The following PCIF1 variants were observed in gnomAD, a reference collection of about 807,000 sequenced individuals.
PCIF1 encodes mRNA (2'-O-methyladenosine-N(6)-)-methyltransferase.
A neutral mutation model predicts 86.9 loss-of-function variants in PCIF1; 12 were observed. The ratio of observed to expected loss-of-function variants is 0.14; its 90% CI spans 0.09 to 0.22. The LOEUF (loss-of-function observed/expected upper bound fraction) is 0.22. PCIF1 is among the 10% of genes least tolerant of loss of function. The pLI is 1.00. For synonymous variants in PCIF1, 397 were observed against 372.0 expected (o/e 1.07, Z -0.77); for missense variants, 701 against 951.1 (o/e 0.74, Z 3.46).
intron 1 of PCIF1, 28 bp downstream of exon 1, chr20:45,934,832 G>C: frequency 2.5e-6 from 1 of 398,168 alleles, no homozygotes. Context: ...CCATGGTCCC[G>C]CAGCGAGCCG....
rs773863031 is a variant in PCIF1 at position 45,944,880 on chromosome 20, C to T, written c.1018C>T (p.His340Tyr). 6.2e-7 allele frequency: 1 copy of T among 1,613,504 alleles called. No homozygotes were observed. The change falls in exon 11 of 17, where the codon CAT becomes TAT. Residue 340 changes from histidine (H) to tyrosine (Y), a missense_variant. His to Tyr is a moderately conservative substitution (Grantham distance 83). Around this residue, in one of 7 missense-constraint regions of PCIF1, gnomAD observed 129 missense variants for 245.9 expected, o/e 0.52. Transcript: ENST00000372409. ...SKEDYMDRLE[H>Y]LRRQCGPHVS... ...ATGTGTCCTCTAGGATCGCCTGGAG[C>T]ATCTGCGGAGGCAGTGTGGCCCCCA...
At chr20:45,939,363 G>A (rs762930936) in intron 4 of PCIF1, 24 bp downstream of exon 4, 2 of 1,611,940 alleles carry the variant, frequency 1.2e-6, no homozygotes, top group Non-Finnish European at 1.7e-6. Context: ...TAGGGTGGGG[G>A]GGTCTCAGAG....
At position 45,940,838 on chromosome 20, in the gene PCIF1, G is replaced by A. The variant is rs917498104; in HGVS notation, c.417G>A (p.Gln139=). 1 of 1,614,092 alleles carries A rather than the reference G, an allele frequency of 6.2e-7. No individual in the cohort carries two copies. The highest frequency in any genetic ancestry group is 8.5e-7 in the Non-Finnish European group (1 of 1,179,984). Residue 139 remains glutamine (Q), a synonymous_variant, in exon 6 of 17, where the codon CAG becomes CAA. Transcript: ENST00000372409. ...KIEIPVTPTG[Q]SVPSSPSIPG... ...AAATCCCAGTGACACCCACAGGCCA[G>A]TCGGTGCCCAGCTCCCCCAGTATCC...
At chr20:45,936,660 G>C (rs2145859301) in intron 1 of PCIF1, among the ~76,000 whole-genome samples, 1 of 151,968 alleles carries the variant, frequency 6.6e-6, no homozygotes, top group South Asian at 2.1e-4. Context: ...GCCCGGCGCA[G>C]TGGCTCACAC....
intron 2 of PCIF1, chr20:45,937,813 C>T (rs534269982): frequency 5.3e-6 from 2 of 378,120 alleles, no homozygotes; most frequent in Non-Finnish European, 9.4e-6. Flanking sequence ...TTGACTTTTC[C>T]CTTCCTAAAT....
At chr20:45,945,135 C>A in intron 11 of PCIF1, 105 bp downstream of exon 11, 1 of 1,315,214 alleles carries the variant, frequency 7.6e-7, no homozygotes, top group African/African-American at 1.5e-5. Context: ...TGGTTTGGGG[C>A]AGAACCTGCC....
At position 45,941,041 on chromosome 20, in the gene PCIF1, C is replaced by G. The variant is rs760750015; in HGVS notation, c.519-12C>G. 2 of 1,614,204 alleles carry G rather than the reference C, an allele frequency of 1.2e-6. No homozygotes were observed. Among genetic ancestry groups the G allele is most frequent in the Admixed American group, 3.3e-5 (2 of 60,026 alleles). ...GGCAGGACATCCTCATCACTCCTCT[C>G]TGTGCCCCAAGGGTCTACTGGGACC... On this transcript the variant is annotated splice_polypyrimidine_tract_variant and intron_variant, in intron 6 of 16. Transcript: ENST00000372409.
intron 2 of PCIF1, among the ~76,000 whole-genome samples, 180 bp from the exon 3 acceptor site, chr20:45,938,801 C>T (rs1600501419): frequency 6.6e-6 from 1 of 152,238 alleles, no homozygotes; most frequent in East Asian, 1.9e-4. Flanking sequence ...GGAGTGCACC[C>T]ATTGAACAGC....
In PCIF1 at chr20:45,947,324, A is replaced by T; in HGVS notation, c.1769A>T (p.Glu590Val). The change falls in exon 16 of 17, where the codon GAA becomes GTA. Residue 590 changes from glutamate (E) to valine (V), a missense_variant. Glu to Val is a moderately radical substitution (Grantham distance 121, BLOSUM62 -2). Transcript: ENST00000372409. The surrounding 1 kb of genome is among the most constrained non-coding windows in gnomAD (Gnocchi z 5.4). ...SFIVFIPEWR[E>V]PPTPALTRME... Reference sequence around the variant, plus strand: ...ATCGTGTTCATCCCTGAGTGGCGGGAACCCCCAACACCAGCGCTCACCCGC... The same window carrying T: ...ATCGTGTTCATCCCTGAGTGGCGGGTACCCCCAACACCAGCGCTCACCCGC... 6.2e-7 allele frequency: 1 copy of T among 1,613,624 alleles called. No homozygotes were observed. Among genetic ancestry groups the T allele is most frequent in the Admixed American group, 1.7e-5 (1 of 60,006 alleles).
At chr20:45,942,768 T>C (rs971789335) in intron 7 of PCIF1, among the ~76,000 whole-genome samples, 2 of 122,462 alleles carry the variant, frequency 1.6e-5, no homozygotes, top group East Asian at 2.2e-4. Flanking sequence ...GCTAATTTCT[T>C]TTTTTTTTTT....
rs1230871004 is a variant in PCIF1 at position 45,943,888 on chromosome 20, G to A, written c.1005+123G>A. The A allele has an allele frequency of 7.1e-6, 5 of 703,928 alleles. No homozygotes were observed. The highest frequency in any genetic ancestry group is 1.2e-5 in the Non-Finnish European group (5 of 419,626). The allele number at this position is 703,928 out of a possible 1,614,324, so 43.6% of individuals were successfully genotyped here. ...CCAGCGGCCTATTCTTGTGCAGTAT[G>A]GCAGACGTTCGACATTCGTCAGTCC... is the stretch of plus-strand genomic sequence containing the variant. On this transcript the variant is annotated intron_variant, in intron 10 of 16. Coordinates refer to ENST00000372409, the MANE Select transcript of PCIF1 (RefSeq NM_022104.4). The surrounding 1 kb of genome is among the most constrained non-coding windows in gnomAD (Gnocchi z 5.5).
Position 45,943,217 on chromosome 20 carries a change from G to A in PCIF1, c.794G>A (p.Arg265His), listed in dbSNP as rs1373444161. ...CEPVVSPSMF[R>H]EIMNDIPIRL... ...CCAGTCGTGTCACCTTCCATGTTTC[G>A]TGAAATCATGAACGACATTCCTATC... is the stretch of plus-strand genomic sequence containing the variant. Residue 265 changes from arginine to histidine, a missense_variant, in exon 8 of 17, where the codon CGT becomes CAT. Physicochemically the swap from Arg to His is conservative, Grantham distance 29 (BLOSUM62 0). This residue lies in a region of PCIF1 where 129 missense variants were observed against 245.9 expected (regional missense o/e 0.52). Transcript: ENST00000372409. This position sits in a 1 kb window ranked among gnomAD's most constrained non-coding sequence, Gnocchi z 5.5. 1 of 1,614,132 alleles carries A rather than the reference G, an allele frequency of 6.2e-7. No homozygotes were observed. The highest frequency in any genetic ancestry group is 1.7e-5 in the Admixed American group (1 of 60,026).
In PCIF1 at chr20:45,947,872, C is replaced by T; in HGVS notation, c.*117C>T. On this transcript the variant is annotated 3_prime_UTR_variant, in exon 17 of 17. Transcript: ENST00000372409. The surrounding 1 kb of genome is among the most constrained non-coding windows in gnomAD (Gnocchi z 5.4). ...TGACATATGAAGATTATGGTTCTGC[C>T]AGGGCTCCCCTCCCTGCCTGTCCCC... 3 of 1,531,038 alleles carry T rather than the reference C, an allele frequency of 2.0e-6. No individual in the cohort carries two copies. The highest frequency in any genetic ancestry group is 2.4e-5 in the East Asian group (1 of 41,008). 94.8% of individuals were successfully genotyped at this position (1,531,038 alleles called of 1,614,324 possible). A position where few individuals can be genotyped will look rare whatever the true frequency, so the allele number is the denominator to read the frequency against.
intron 7 of PCIF1, among the ~76,000 whole-genome samples, chr20:45,942,845 T>A (rs1031780673): frequency 7.3e-6 from 1 of 137,516 alleles, no homozygotes; most frequent in Non-Finnish European, 1.5e-5. Flanking sequence ...ACTCATGGGC[T>A]CAAGCTGTCC....
chr20:45,938,936 G>T, intron 2 of PCIF1, 45 bp from the exon 3 acceptor site: 1 of 1,600,834 alleles, frequency 6.2e-7, no homozygotes. Flanking sequence ...TGTAATTGGC[G>T]GGTGAGGGGG....
At position 45,947,560 on chromosome 20, in the gene PCIF1, T is replaced by C. The variant is rs778066139; in HGVS notation, c.1920T>C (p.Ala640=). Residue 640 remains alanine (A), a synonymous_variant, in exon 17 of 17, where the codon GCT becomes GCC. Transcript: ENST00000372409. The surrounding 1 kb of genome is among the most constrained non-coding windows in gnomAD (Gnocchi z 5.4). The part of the protein sequence containing the change: ...EMHYKAVHNT[A]VLFLQNDPGF... ...ACTACAAGGCCGTCCACAACACGGCTGTGCTCTTCCTACAGAACGACCCTG... is the reference window on the plus strand; with the variant it reads ...ACTACAAGGCCGTCCACAACACGGCCGTGCTCTTCCTACAGAACGACCCTG... The C allele has an allele frequency of 3.7e-6, 6 of 1,613,750 alleles. No homozygotes were observed. The highest frequency in any genetic ancestry group is 1.7e-4 in the Middle Eastern group (1 of 6,060).
chr20:45,941,983 T>C (rs78448168), intron 7 of PCIF1, among the ~76,000 whole-genome samples: 1 of 150,180 alleles, frequency 6.7e-6, no homozygotes, highest in Non-Finnish European at 1.5e-5. Flanking sequence ...TTTTTAATTT[T>C]TTTTTTTCTT....
At chr20:45,941,027 C>T in intron 6 of PCIF1, 26 bp from the exon 7 acceptor site, 1 of 1,614,170 alleles carries the variant, frequency 6.2e-7, no homozygotes, top group South Asian at 1.1e-5. Context: ...GCAGGACATC[C>T]TCATCACTCC....
chr20:45,938,126 C>T (rs916810937), intron 2 of PCIF1, among the ~76,000 whole-genome samples: 2 of 152,200 alleles, frequency 1.3e-5, no homozygotes, highest in South Asian at 4.1e-4. Flanking sequence ...CACTTTGGCT[C>T]CTGAGGCTGT....
Sources: gnomAD v4.1 joint callset for allele counts (sites outside exome capture counted in the v4.1 genomes callset) on GRCh38, gnomAD v4.1.1 for gene constraint, gnomAD v4.1.1 regional missense constraint, Gnocchi (gnomAD v3.1) non-coding constraint, MANE v1.5 for transcripts, NCBI Gene and HGNC (gene_info 2026-07-23, HGNC 2026-07-21) for gene names.